Variants in NRXN3 observed in about 807,000 individuals in gnomAD.
NRXN3 encodes neurexin III.
A neutral mutation model predicts 137.6 loss-of-function variants in NRXN3; 32 were observed. That is an observed-to-expected ratio of 0.23 (90% confidence interval 0.18 to 0.31). The LOEUF is 0.31. NRXN3 is among the 10% of genes least tolerant of loss of function. The pLI, the probability that NRXN3 is intolerant of heterozygous loss-of-function variation, is 1.00. For missense variants in NRXN3, 1,574 were observed against 2,062.5 expected, an observed-to-expected ratio of 0.76 and a Z score of 4.59; for synonymous variants, 798 against 784.5, an observed-to-expected ratio of 1.02 and a Z score of -0.29.
intron 1 of NRXN3, among the ~76,000 whole-genome samples, chr14:78,202,825 T>C (rs2061803933): frequency 6.6e-6 from 1 of 152,176 alleles, no homozygotes; most frequent in African/African-American, 2.4e-5. Context: ...TTGTGATGTA[T>C]ATTATTTTAG....
chr14:79,690,294 G>A (rs139748161), intron 17 of NRXN3, among the ~76,000 whole-genome samples: 1 of 152,232 alleles, frequency 6.6e-6, no homozygotes, highest in East Asian at 1.9e-4. Flanking sequence ...GTTGTACCAA[G>A]ATCTACCAAG....
intron 6 of NRXN3, among the ~76,000 whole-genome samples, chr14:78,706,453 A>G (rs1051111706): frequency 2.6e-5 from 4 of 152,196 alleles, no homozygotes; most frequent in African/African-American, 7.2e-5. Context: ...TTTCCATGTA[A>G]TGTTAAAGAT....
intron 4 of NRXN3, among the ~76,000 whole-genome samples, chr14:78,599,766 A>G (rs1389275865): frequency 6.6e-6 from 1 of 152,188 alleles, no homozygotes; most frequent in African/African-American, 2.4e-5. Flanking sequence ...AGTGCCAGAG[A>G]TACTTGTGGT....
intron 15 of NRXN3, among the ~76,000 whole-genome samples, chr14:79,382,707 A>T (rs2094504383): frequency 6.6e-6 from 1 of 152,158 alleles, no homozygotes; most frequent in Non-Finnish European, 1.5e-5. Flanking sequence ...GCAAAGATAG[A>T]GGAGTAGGCT....
chr14:79,134,147 AG>A (rs34496069), intron 15 of NRXN3, among the ~76,000 whole-genome samples: 49,588 of 151,902 alleles, frequency 0.33, 8,586 homozygotes, highest in Admixed American at 0.45. Flanking sequence ...TAATAAGTTA[AG>A]TGTAAGTGGT....
chr14:78,762,246 C>T (rs561621717), intron 8 of NRXN3, among the ~76,000 whole-genome samples: 16 of 152,278 alleles, frequency 1.1e-4, no homozygotes, highest in African/African-American at 3.6e-4. Context: ...TAGCACATAA[C>T]ATACCTTTCT....
rs189907166 is a variant in NRXN3 at position 79,108,676 on chromosome 14, A to G, written c.3262+120535A>G. 2.9e-3 allele frequency among the ~76,000 whole-genome samples: 442 copies of G among 152,286 alleles called. 2 individuals carry two copies. Among genetic ancestry groups the G allele is most frequent in the African/African-American group, 0.01 (417 of 41,576 alleles). On this transcript the variant is annotated intron_variant, in intron 15 of 20. Coordinates refer to ENST00000335750, the MANE Select transcript of NRXN3 (RefSeq NM_001330195.2). ...ACTTTTTTGAATGCCACCAAATGGA[A>G]TAAAATTTTTCCTAAAATGAATGAA...
At chr14:78,256,277 A>G (rs1473729173) in intron 2 of NRXN3, among the ~76,000 whole-genome samples, 1 of 152,148 alleles carries the variant, frequency 6.6e-6, no homozygotes, top group Non-Finnish European at 1.5e-5. Context: ...AATTATCCTC[A>G]GATATTGGAA....
At chr14:78,838,246 T>C (rs2099002411) in intron 10 of NRXN3, among the ~76,000 whole-genome samples, 1 of 152,212 alleles carries the variant, frequency 6.6e-6, no homozygotes, top group South Asian at 2.1e-4. Flanking sequence ...TCAGAAAATC[T>C]ATCTTAGACC....
chr14:79,269,466 C>G (rs1193701454), intron 15 of NRXN3, among the ~76,000 whole-genome samples: 1 of 152,166 alleles, frequency 6.6e-6, no homozygotes, highest in Admixed American at 6.5e-5. Context: ...AAACAAGTCA[C>G]TCTCTTCTGT....
chr14:78,491,755 C>T (rs554204236), intron 4 of NRXN3, among the ~76,000 whole-genome samples: 1 of 152,204 alleles, frequency 6.6e-6, no homozygotes, highest in South Asian at 2.1e-4. Context: ...TAGATGTGGG[C>T]GATTCAAATT....
chr14:79,280,292 A>G, intron 15 of NRXN3: 2 of 1,613,980 alleles, frequency 1.2e-6, no homozygotes, highest in Non-Finnish European at 1.7e-6. Context: ...TGCGTTGACC[A>G]TGCACCTGAG....
intron 19 of NRXN3, among the ~76,000 whole-genome samples, chr14:79,747,767 G>A (rs1221934251): frequency 1.3e-5 from 2 of 152,056 alleles, no homozygotes; most frequent in Non-Finnish European, 2.9e-5. Flanking sequence ...AATGTCATAA[G>A]TCACTGATTG....
At chr14:78,649,563 C>CTTT (rs11366920) in intron 5 of NRXN3, among the ~76,000 whole-genome samples, 13 of 125,138 alleles carry the variant, frequency 1.0e-4, no homozygotes, top group African/African-American at 3.9e-4. Context: ...CCAAAAAATG[C>CTTT]TTTTTTTTTT....
chr14:78,201,826 C>G (rs542305183), intron 1 of NRXN3, among the ~76,000 whole-genome samples: 1 of 152,148 alleles, frequency 6.6e-6, no homozygotes, highest in African/African-American at 2.4e-5. Flanking sequence ...TCAGCCGCTC[C>G]GACATGCTGT....
At chr14:79,523,665 CATT>C (rs1401778550) in intron 16 of NRXN3, among the ~76,000 whole-genome samples, 2 of 152,280 alleles carry the variant, frequency 1.3e-5, no homozygotes, top group East Asian at 3.9e-4. Flanking sequence ...AGGAGAGAGA[CATT>C]ATACAGACAT....
In NRXN3 at chr14:78,699,835, G is replaced by T. The variant is rs533226020; in HGVS notation, c.1222-9382G>T. On this transcript the variant is annotated intron_variant, in intron 6 of 20. Transcript: ENST00000335750. ...AGGTTTGTTTAGTGCCTAAGAAAAT[G>T]CAGGAAATGAGAGTGTGTATTTATT... Among the ~76,000 whole-genome samples, 30 of 152,294 alleles carry T rather than the reference G, an allele frequency of 2.0e-4. 1 individual carries two copies. The highest frequency in any genetic ancestry group is 7.2e-5 in the African/African-American group (3 of 41,554).
chr14:79,399,806 A>T (rs1465051300), intron 15 of NRXN3, among the ~76,000 whole-genome samples: 2 of 152,148 alleles, frequency 1.3e-5, no homozygotes, highest in Non-Finnish European at 2.9e-5. Flanking sequence ...AGTTCGGGAG[A>T]ATAGAAGGCC....
At chr14:78,731,701 A>G (rs2098516591) in intron 8 of NRXN3, among the ~76,000 whole-genome samples, 1 of 151,356 alleles carries the variant, frequency 6.6e-6, no homozygotes, top group Admixed American at 6.6e-5. Context: ...TATTCTATAT[A>G]TATATTATTT....
Sources: allele counts gnomAD v4.1 joint callset (sites outside exome capture counted in the v4.1 genomes callset), GRCh38; gene constraint gnomAD v4.1.1; transcripts MANE v1.5; gene names NCBI Gene and HGNC (gene_info 2026-07-23, HGNC 2026-07-21).